Variants in SH3RF3 observed in about 807,000 individuals in gnomAD.
SH3RF3 encodes E3 ubiquitin-protein ligase SH3RF3.
A neutral mutation model predicts 66.3 loss-of-function variants in SH3RF3; 29 were observed. That is an observed-to-expected ratio of 0.44 (90% CI 0.33 to 0.60). The LOEUF (loss-of-function observed/expected upper bound fraction) is 0.60. SH3RF3 is among the 20% of genes least tolerant of loss of function. The pLI is 0.04. For synonymous variants in SH3RF3, 583 were observed against 532.0 expected, an observed-to-expected ratio of 1.10 and a Z score of -1.32; for missense variants, 1,194 against 1,190.9, an observed-to-expected ratio of 1.00 and a Z score of -0.04.
intron 5 of SH3RF3, among the ~76,000 whole-genome samples, chr2:109,428,520 C>T (rs1008676989): frequency 1.3e-5 from 2 of 152,208 alleles, no homozygotes; most frequent in Non-Finnish European, 2.9e-5. Context: ...AGCCCCTGGC[C>T]CCATGCCTGA....
intron 1 of SH3RF3, among the ~76,000 whole-genome samples, chr2:109,297,091 C>T (rs913219863): frequency 7.2e-5 from 11 of 151,844 alleles, no homozygotes; most frequent in South Asian, 2.1e-4. Context: ...GGGGGGTGAC[C>T]GGGATGGGAA....
chr2:109,249,537 TTCCTTCCTTCC>T (rs1558981518), intron 1 of SH3RF3, among the ~76,000 whole-genome samples: 55 of 97,018 alleles, frequency 5.7e-4, no homozygotes, highest in Non-Finnish European at 6.2e-4. Context: ...CTTTCTTTCC[TTCCTTCCTTCC>T]TTCCTTCCTT....
chr2:109,138,985 A>T (rs7565363), intron 1 of SH3RF3, among the ~76,000 whole-genome samples: 1 of 151,996 alleles, frequency 6.6e-6, no homozygotes, highest in Non-Finnish European at 1.5e-5. Context: ...AATAAGAGAC[A>T]TGAAGACAAG....
chr2:109,328,636 G>C (rs1354716304), intron 1 of SH3RF3, among the ~76,000 whole-genome samples: 1 of 152,180 alleles, frequency 6.6e-6, no homozygotes, highest in African/African-American at 2.4e-5. Flanking sequence ...CCTAGGTCAT[G>C]GTACTGATAT....
intron 1 of SH3RF3, among the ~76,000 whole-genome samples, chr2:109,305,364 A>G (rs1232501500): frequency 6.6e-6 from 1 of 152,014 alleles, no homozygotes; most frequent in Admixed American, 6.6e-5. Flanking sequence ...AGGTATGGCC[A>G]TGGAGGCCCA....
At chr2:109,298,499 T>C (rs985879965) in intron 1 of SH3RF3, among the ~76,000 whole-genome samples, 1 of 152,106 alleles carries the variant, frequency 6.6e-6, no homozygotes, top group Admixed American at 6.5e-5. Flanking sequence ...GGGGATGATT[T>C]AGGTCACTTT....
chr2:109,458,262 C>G (rs1267441090), intron 8 of SH3RF3, among the ~76,000 whole-genome samples: 1 of 152,166 alleles, frequency 6.6e-6, no homozygotes, highest in Non-Finnish European at 1.5e-5. Context: ...ACTCATTAAT[C>G]TTTTCAGAGG....
intron 1 of SH3RF3, among the ~76,000 whole-genome samples, chr2:109,211,161 G>T (rs1222031624): frequency 6.6e-6 from 1 of 152,206 alleles, no homozygotes. Context: ...AATTAAAGGA[G>T]AAGTGAGCCC....
At chr2:109,320,589 G>A (rs1681998886) in intron 1 of SH3RF3, among the ~76,000 whole-genome samples, 1 of 152,206 alleles carries the variant, frequency 6.6e-6, no homozygotes, top group Non-Finnish European at 1.5e-5. Context: ...TAATCAGAAT[G>A]TCTAAACCCT....
chr2:109,383,679 G>A (rs958454771), intron 3 of SH3RF3, among the ~76,000 whole-genome samples: 5 of 152,132 alleles, frequency 3.3e-5, no homozygotes, highest in African/African-American at 1.2e-4. Flanking sequence ...ACTGATTCCA[G>A]CTTCATTTCG....
intron 1 of SH3RF3, among the ~76,000 whole-genome samples, chr2:109,269,612 C>T (rs964642314): frequency 3.9e-5 from 6 of 152,154 alleles, no homozygotes; most frequent in Non-Finnish European, 5.9e-5. Context: ...GAAACCCCAT[C>T]TCTACTAAAA....
At chr2:109,179,875 CCTT>C (rs1558943049) in intron 1 of SH3RF3, among the ~76,000 whole-genome samples, 1 of 152,160 alleles carries the variant, frequency 6.6e-6, no homozygotes, top group Non-Finnish European at 1.5e-5. Flanking sequence ...TCAAAGTGCT[CCTT>C]ATCGCAGGAA....
At chr2:109,399,992 T>C (rs2104444921) in intron 4 of SH3RF3, among the ~76,000 whole-genome samples, 1 of 152,320 alleles carries the variant, frequency 6.6e-6, no homozygotes, top group Middle Eastern at 3.4e-3. Flanking sequence ...AGAGTCCCTC[T>C]GGCTGCCCTG....
rs1296379691 is a variant in SH3RF3 at position 109,346,642 on chromosome 2, G to T, written c.574-1032G>T. On this transcript the variant is annotated intron_variant, in intron 1 of 9. Transcript: ENST00000309415. ...AGATGGACTTGATGAGACAGGGCCA[G>T]TTAGAGAAGCCCAGGAAGTGGAAGA... is the stretch of plus-strand genomic sequence containing the variant. Among the ~76,000 whole-genome samples, 3 of 152,092 alleles carry T rather than the reference G, an allele frequency of 2.0e-5. No homozygotes were observed. The East Asian group carries it at 5.8e-4, about 29-fold the overall frequency.
chr2:109,262,108 C>G (rs1354583851), intron 1 of SH3RF3, among the ~76,000 whole-genome samples: 2 of 152,232 alleles, frequency 1.3e-5, no homozygotes, highest in African/African-American at 4.8e-5. Context: ...TGCCCTCGGC[C>G]TCAGGGCAGG....
chr2:109,336,165 C>T (rs1220046210), intron 1 of SH3RF3, among the ~76,000 whole-genome samples: 3 of 152,150 alleles, frequency 2.0e-5, no homozygotes, highest in Non-Finnish European at 4.4e-5. Context: ...ATACTTACTA[C>T]TCTGGGAAGT....
intron 3 of SH3RF3, among the ~76,000 whole-genome samples, chr2:109,376,867 C>G (rs1401168015): frequency 6.6e-6 from 1 of 152,242 alleles, no homozygotes; most frequent in East Asian, 1.9e-4. Context: ...GAACCCCTTC[C>G]TTTGTTCCCC....
chr2:109,380,490 T>C (rs760305397), intron 3 of SH3RF3, among the ~76,000 whole-genome samples: 1 of 152,312 alleles, frequency 6.6e-6, no homozygotes, highest in Middle Eastern at 3.4e-3. Flanking sequence ...CCACTGACCA[T>C]CTCTAAATGG....
chr2:109,418,787 A>C (rs1676793336), intron 4 of SH3RF3, among the ~76,000 whole-genome samples: 1 of 152,164 alleles, frequency 6.6e-6, no homozygotes, highest in Non-Finnish European at 1.5e-5. Context: ...AAGACAGGAC[A>C]CTGTCCTAGG....
Sources: gnomAD v4.1 joint callset for allele counts (sites outside exome capture counted in the v4.1 genomes callset) on GRCh38, gnomAD v4.1.1 for gene constraint, MANE v1.5 for transcripts, NCBI Gene and HGNC (gene_info 2026-07-23, HGNC 2026-07-21) for gene names.